PDE4B: variants seen among roughly 807,000 people sequenced by gnomAD.
PDE4B encodes the protein 3',5'-cyclic-AMP phosphodiesterase 4B.
A neutral mutation model predicts 82.2 loss-of-function variants in PDE4B; 20 were observed. The ratio of observed to expected loss-of-function variants is 0.24; its 90% CI spans 0.17 to 0.35. The LOEUF (loss-of-function observed/expected upper bound fraction) is 0.35. PDE4B is among the 10% of genes least tolerant of loss of function. The pLI is 1.00. For synonymous variants in PDE4B, 320 were observed against 318.9 expected (o/e 1.00, Z -0.04); for missense variants, 655 against 907.2 (o/e 0.72, Z 3.57).
chr1:66,001,318 C>T (rs1651850359), intron 3 of PDE4B, among the ~76,000 whole-genome samples: 1 of 152,134 alleles, frequency 6.6e-6, no homozygotes, highest in African/African-American at 2.4e-5. Context: ...TTGTCTCTTT[C>T]TGTGTATAAA....
At chr1:65,876,708 TATAATC>T (rs1646648246) in intron 1 of PDE4B, among the ~76,000 whole-genome samples, 1 of 152,210 alleles carries the variant, frequency 6.6e-6, no homozygotes, top group African/African-American at 2.4e-5. Context: ...AACTGTTACT[TATAATC>T]ATACAATATG....
At chr1:66,156,733 C>G (rs1646509227) in intron 3 of PDE4B, among the ~76,000 whole-genome samples, 1 of 152,168 alleles carries the variant, frequency 6.6e-6, no homozygotes, top group South Asian at 2.1e-4. Flanking sequence ...CACAACTTCA[C>G]TGAAATTGCT....
At chr1:66,048,865 A>G (rs1439616406) in intron 3 of PDE4B, 3 of 152,018 alleles carry the variant, frequency 2.0e-5, no homozygotes, top group Admixed American at 1.3e-4. Flanking sequence ...ACATATCAGT[A>G]AGTGAGTGAT....
At chr1:66,218,947 G>A (rs1275009090) in intron 3 of PDE4B, among the ~76,000 whole-genome samples, 1 of 152,126 alleles carries the variant, frequency 6.6e-6, no homozygotes, top group African/African-American at 2.4e-5. Context: ...AAAAAATCAT[G>A]TTCTCATCGC....
intron 8 of PDE4B, among the ~76,000 whole-genome samples, chr1:66,343,469 C>G (rs1458822173): frequency 6.6e-6 from 1 of 152,182 alleles, no homozygotes; most frequent in African/African-American, 2.4e-5. Flanking sequence ...ATTCTAACTT[C>G]CATAACATTT....
At chr1:66,372,184 A>G in intron 16 of PDE4B, 129 bp from the exon 17 acceptor site, 1 of 964,284 alleles carries the variant, frequency 1.0e-6, no homozygotes, top group Non-Finnish European at 1.5e-6. Context: ...GAGTGCCCAA[A>G]TCATGGAATC....
chr1:66,105,800 A>T (rs1239265997), intron 3 of PDE4B, among the ~76,000 whole-genome samples: 1 of 151,844 alleles, frequency 6.6e-6, no homozygotes, highest in Non-Finnish European at 1.5e-5. Context: ...GTATCCTGAG[A>T]CTTTGCTGAA....
intron 3 of PDE4B, among the ~76,000 whole-genome samples, chr1:66,235,625 G>T (rs1199190616): frequency 6.6e-6 from 1 of 152,030 alleles, no homozygotes; most frequent in Non-Finnish European, 1.5e-5. Flanking sequence ...CATGTAGTCA[G>T]GTCATGCTTT....
At chr1:65,836,764 A>G in intron 1 of PDE4B, among the ~76,000 whole-genome samples, 1 of 151,676 alleles carries the variant, frequency 6.6e-6, no homozygotes, top group East Asian at 1.9e-4. Context: ...TTGTTCTCTT[A>G]CTCTCTATTT....
intron 3 of PDE4B, among the ~76,000 whole-genome samples, chr1:66,003,941 C>G (rs1222029463): frequency 6.6e-6 from 1 of 152,154 alleles, no homozygotes; most frequent in Non-Finnish European, 1.5e-5. Context: ...AAAACAGTGT[C>G]TTTCACATGC....
intron 1 of PDE4B, among the ~76,000 whole-genome samples, chr1:65,910,076 A>G (rs936269337): frequency 4.6e-5 from 7 of 152,194 alleles, no homozygotes; most frequent in Admixed American, 3.3e-4. Flanking sequence ...AGGCTTCATT[A>G]CTGTTCCCAA....
At chr1:65,895,932 A>AAACAATAAT (rs1553197189) in intron 1 of PDE4B, among the ~76,000 whole-genome samples, 1 of 143,702 alleles carries the variant, frequency 7.0e-6, no homozygotes, top group Non-Finnish European at 1.5e-5. Flanking sequence ...ATGAAAAAGA[A>AAACAATAAT]AATAATAATA....
At chr1:66,223,626 C>G (rs943842678) in intron 3 of PDE4B, among the ~76,000 whole-genome samples, 1 of 152,194 alleles carries the variant, frequency 6.6e-6, no homozygotes, top group Non-Finnish European at 1.5e-5. Context: ...CTTGCTCCAA[C>G]TGACACCTGG....
intron 3 of PDE4B, among the ~76,000 whole-genome samples, chr1:66,096,956 G>A (rs148928757): frequency 6.6e-6 from 1 of 151,920 alleles, no homozygotes; most frequent in Non-Finnish European, 1.5e-5. Flanking sequence ...CTTTATTGTT[G>A]AGTGGTATTT....
intron 3 of PDE4B, among the ~76,000 whole-genome samples, chr1:65,989,436 AG>A (rs752124537): frequency 6.0e-4 from 92 of 152,324 alleles, no homozygotes; most frequent in Non-Finnish European, 6.5e-4. Context: ...GGTTGCAGTG[AG>A]CCTAGACAGA....
intron 1 of PDE4B, among the ~76,000 whole-genome samples, chr1:65,825,177 C>G (rs901143625): frequency 4.6e-5 from 7 of 152,122 alleles, no homozygotes; most frequent in African/African-American, 1.7e-4. Context: ...AATTTGCTTC[C>G]CAAGGAAAGG....
chr1:65,970,837 A>G (rs1650090210), intron 3 of PDE4B, among the ~76,000 whole-genome samples: 1 of 152,010 alleles, frequency 6.6e-6, no homozygotes, highest in African/African-American at 2.4e-5. Context: ...GAACATGTGA[A>G]AAAATGTGCA....
chr1:66,225,069 G>A (rs1651328622), intron 3 of PDE4B, among the ~76,000 whole-genome samples: 1 of 152,044 alleles, frequency 6.6e-6, no homozygotes, highest in South Asian at 2.1e-4. Flanking sequence ...TTGGCTCCTC[G>A]AGGACTTTGC....
At chr1:65,827,110 A>T (rs745432139) in intron 1 of PDE4B, among the ~76,000 whole-genome samples, 3 of 152,062 alleles carry the variant, frequency 2.0e-5, no homozygotes, top group Non-Finnish European at 4.4e-5. Flanking sequence ...ACAGCCCAAC[A>T]CCTGATTAGA....
Sources: allele counts gnomAD v4.1 joint callset (sites outside exome capture counted in the v4.1 genomes callset), GRCh38; gene constraint gnomAD v4.1.1; transcripts MANE v1.5; gene names NCBI Gene and HGNC (gene_info 2026-07-23, HGNC 2026-07-21).